The following SMAD5 variants were observed in gnomAD, a reference collection of about 807,000 sequenced individuals.
SMAD5 encodes the protein MAD, mothers against decapentaplegic homolog 5.
In SMAD5, 9 loss-of-function variants were observed where a neutral mutation model predicts 43.1. The observed-to-expected ratio is 0.21, with a 90% CI of 0.13 to 0.36. SMAD5 has a LOEUF of 0.36. Ranked by LOEUF, SMAD5 falls within the 10% of genes least tolerant of loss-of-function variation. SMAD5 has a pLI of 1.00. For synonymous variants in SMAD5, 190 were observed against 192.4 expected, an observed-to-expected ratio of 0.99 and a Z score of 0.10; for missense variants, 348 against 574.0, an observed-to-expected ratio of 0.61 and a Z score of 4.02.
At chr5:136,164,338 G>T (rs1454833476) in intron 5 of SMAD5, among the ~76,000 whole-genome samples, 3 of 152,184 alleles carry the variant, frequency 2.0e-5, no homozygotes, top group Non-Finnish European at 4.4e-5. Context: ...TGAAGCGGCA[G>T]TACCATTTTA....
chr5:136,135,683 A>G (rs1752849609), intron 1 of SMAD5, among the ~76,000 whole-genome samples: 1 of 152,214 alleles, frequency 6.6e-6, no homozygotes, highest in Non-Finnish European at 1.5e-5. Context: ...TGTTTATGAC[A>G]TATCAGTGTT....
At chr5:136,140,466 G>A (rs906198266) in intron 1 of SMAD5, among the ~76,000 whole-genome samples, 1 of 152,038 alleles carries the variant, frequency 6.6e-6, no homozygotes, top group Non-Finnish European at 1.5e-5. Context: ...TGTGTTCTCA[G>A]GCTATACTGG....
intron 1 of SMAD5, among the ~76,000 whole-genome samples, chr5:136,137,754 G>T (rs1427367463): frequency 6.6e-6 from 1 of 152,128 alleles, no homozygotes; most frequent in Non-Finnish European, 1.5e-5. Context: ...TCATTCTTTG[G>T]AGATGAAAGT....
At chr5:136,142,754 A>C (rs1258145990) in intron 1 of SMAD5, among the ~76,000 whole-genome samples, 1 of 152,058 alleles carries the variant, frequency 6.6e-6, no homozygotes, top group Non-Finnish European at 1.5e-5. Context: ...CTTGGTGTAC[A>C]TTTTTTTAAA....
chr5:136,136,366 C>T (rs982562321), intron 1 of SMAD5, among the ~76,000 whole-genome samples: 132 of 152,108 alleles, frequency 8.7e-4, no homozygotes, highest in African/African-American at 2.8e-3. Context: ...TTAGTAGAGA[C>T]GGTGTTTCAC....
intron 5 of SMAD5, among the ~76,000 whole-genome samples, chr5:136,164,498 A>G (rs1171719134): frequency 6.6e-6 from 1 of 152,186 alleles, no homozygotes; most frequent in African/African-American, 2.4e-5. Flanking sequence ...AATGATGAGC[A>G]TTTTTTAAAT....
chr5:136,179,140 A>G lies in SMAD5; in HGVS notation c.*1660A>G, dbSNP rs1356777568. On this transcript the variant is annotated 3_prime_UTR_variant, in exon 8 of 8. Coordinates refer to ENST00000545279, the MANE Select transcript of SMAD5 (RefSeq NM_005903.7). ...GATGATCCTCTTTTTCCATTTTTTAAGTACTTATGTGGAAGCTAGTCTCCC... is the reference window on the plus strand; with the variant it reads ...GATGATCCTCTTTTTCCATTTTTTAGGTACTTATGTGGAAGCTAGTCTCCC... 1.3e-5 allele frequency: 2 copies of G among 152,266 alleles called. No individual in the cohort carries two copies. Among genetic ancestry groups the G allele is most frequent in the African/African-American group, 4.8e-5 (2 of 41,454 alleles). 9.4% of individuals were successfully genotyped at this position (152,266 alleles called of 1,614,324 possible).
At chr5:136,176,391 G>A (rs1489435270) in intron 7 of SMAD5, among the ~76,000 whole-genome samples, 1 of 145,766 alleles carries the variant, frequency 6.9e-6, no homozygotes, top group East Asian at 2.1e-4. Context: ...GGAGGCGGAG[G>A]TTGCAGTTAG....
At chr5:136,137,595 T>C (rs964248210) in intron 1 of SMAD5, among the ~76,000 whole-genome samples, 5 of 152,210 alleles carry the variant, frequency 3.3e-5, no homozygotes, top group African/African-American at 1.2e-4. Context: ...CCTAGTATCC[T>C]ATCTGGTAGG....
In SMAD5 at chr5:136,178,283, ATGT is replaced by A. The variant is rs1458323378; in HGVS notation, c.*806_*808del. The A allele has an allele frequency of 6.6e-6, 1 of 152,648 alleles. No individual in the cohort carries two copies. Among genetic ancestry groups the A allele is most frequent in the Non-Finnish European group, 1.5e-5 (1 of 68,026 alleles). 9.5% of individuals were successfully genotyped at this position (152,648 alleles called of 1,614,324 possible). A position where few individuals can be genotyped will look rare whatever the true frequency, so the allele number is the denominator to read the frequency against. ...CAACTATGTTTGCTGCTTTTGGACA[ATGT>A]TGCAAGAACTCTATTTTTGACATGC... On this transcript the variant is annotated 3_prime_UTR_variant, in exon 8 of 8. Transcript: ENST00000545279.
intron 1 of SMAD5, among the ~76,000 whole-genome samples, chr5:136,143,005 G>T (rs1006256566): frequency 1.3e-5 from 2 of 152,016 alleles, no homozygotes; most frequent in African/African-American, 4.8e-5. Context: ...TGTCTCCTCT[G>T]TCTAATATCA....
At chr5:136,155,491 C>T (rs990606560) in intron 3 of SMAD5, among the ~76,000 whole-genome samples, 2 of 152,144 alleles carry the variant, frequency 1.3e-5, no homozygotes, top group African/African-American at 4.8e-5. Flanking sequence ...GTGTTTTCCA[C>T]ACAACAGCCA....
rs775386744 is a variant in SMAD5 at position 136,153,668 on chromosome 5, C to A, written c.-93C>A. 15 of 1,017,342 alleles carry A rather than the reference C, an allele frequency of 1.5e-5. No homozygotes were observed. The highest frequency in any genetic ancestry group is 2.0e-5 in the Non-Finnish European group (14 of 696,220). The allele number at this position is 1,017,342 out of a possible 1,614,324, so 63.0% of individuals were successfully genotyped here. The stretch of plus-strand genomic sequence containing the variant: ...CCTCCCTTTTTAATTGGAACTTCTG[C>A]TTAGGACCTGTGTATGACGTTTCAC... On this transcript the variant is annotated 5_prime_UTR_variant, in exon 3 of 8. The change creates a premature stop within an existing upstream ORF in the 5' untranslated region. Transcript: ENST00000545279.
Position 136,177,420 on chromosome 5 carries a change from G to C in SMAD5, c.1338G>C (p.Trp446Cys). Residue 446 changes from tryptophan to cysteine, a missense_variant, in exon 8 of 8, where the codon TGG becomes TGC. Trp to Cys is a radical substitution (Grantham distance 215, BLOSUM62 -2). This residue lies in a region of SMAD5 where 97 missense variants were observed against 211.8 expected (regional missense o/e 0.46). Transcript: ENST00000545279. Reference sequence around the variant, plus strand: ...TTCATCTTCATGGGCCTCTTCAGTGGCTGGATAAAGTCCTTACTCAGATGG... The same window carrying C: ...TTCATCTTCATGGGCCTCTTCAGTGCCTGGATAAAGTCCTTACTCAGATGG... ...IEIHLHGPLQ[W>C]LDKVLTQMGS... The C allele has an allele frequency of 6.2e-7, 1 of 1,612,602 alleles. No individual in the cohort carries two copies. The highest frequency in any genetic ancestry group is 8.5e-7 in the Non-Finnish European group (1 of 1,178,904).
In SMAD5 at chr5:136,151,585, A is replaced by G. The variant is rs1307980442; in HGVS notation, c.-169-2007A>G. On this transcript the variant is annotated intron_variant, in intron 2 of 7. Coordinates refer to ENST00000545279, the MANE Select transcript of SMAD5 (RefSeq NM_005903.7). ...GTAAGGAGAAGCCAAGGGCCTGATC[A>G]TGTATGATATTGTATTCAGAATTCT... 2.0e-5 allele frequency among the ~76,000 whole-genome samples: 3 copies of G among 152,064 alleles called. No homozygotes were observed. The East Asian group carries it at 5.8e-4, about 29-fold the overall frequency.
At chr5:136,144,034 A>G (rs1478579396) in intron 1 of SMAD5, among the ~76,000 whole-genome samples, 1 of 152,078 alleles carries the variant, frequency 6.6e-6, no homozygotes, top group Non-Finnish European at 1.5e-5. Flanking sequence ...AAAGGCCAAG[A>G]TAATAGCAGA....
In SMAD5 at chr5:136,179,509, T is replaced by C. The variant is rs1303120467; in HGVS notation, c.*2029T>C. 1.3e-5 allele frequency: 2 copies of C among 152,564 alleles called. No individual in the cohort carries two copies. The highest frequency in any genetic ancestry group is 1.3e-4 in the Admixed American group (2 of 15,288). The allele number at this position is 152,564 out of a possible 1,614,324, so 9.5% of individuals were successfully genotyped here. A position where few individuals can be genotyped will look rare whatever the true frequency, so the allele number is the denominator to read the frequency against. On this transcript the variant is annotated 3_prime_UTR_variant, in exon 8 of 8. Transcript: ENST00000545279. The stretch of plus-strand genomic sequence containing the variant: ...TTCGAGGAAAGAATTATGCAATTTC[T>C]TTTGTTTTCTGTGTCATTATTTATT...
intron 3 of SMAD5, among the ~76,000 whole-genome samples, chr5:136,155,378 C>T (rs1394711887): frequency 6.6e-6 from 1 of 152,204 alleles, no homozygotes; most frequent in Non-Finnish European, 1.5e-5. Flanking sequence ...CACCTCTCAT[C>T]ATTTGTGACA....
At chr5:136,160,822 T>G in intron 3 of SMAD5, 34 bp from the exon 4 acceptor site, 1 of 1,608,590 alleles carries the variant, frequency 6.2e-7, no homozygotes. Flanking sequence ...GTTTAGTCAT[T>G]CCTGACAAAT....
Sources: gnomAD v4.1 joint callset for allele counts (sites outside exome capture counted in the v4.1 genomes callset) on GRCh38, gnomAD v4.1.1 for gene constraint, gnomAD v4.1.1 regional missense constraint, MANE v1.5 for transcripts, NCBI Gene and HGNC (gene_info 2026-07-23, HGNC 2026-07-21) for gene names.